Variants in ATAD1 observed in about 807,000 individuals in gnomAD.
ATAD1 encodes the protein outer mitochondrial transmembrane helix translocase.
Under a neutral mutation model 42.7 loss-of-function variants are expected in ATAD1, and 18 were observed. The ratio of observed to expected loss-of-function variants is 0.42; its 90% CI spans 0.29 to 0.63. ATAD1 has a LOEUF of 0.63. Among genes scored for constraint, ATAD1 ranks in the 20% least tolerant of loss-of-function variants. The probability of loss-of-function intolerance (pLI) is 0.19; values close to 1 mark genes in which losing one functional copy is unlikely to be tolerated. For synonymous variants in ATAD1, 132 were observed against 143.1 expected (o/e 0.92, Z 0.55); for missense variants, 294 against 440.4 (o/e 0.67, Z 2.98).
intron 8 of ATAD1, among the ~76,000 whole-genome samples, chr10:87,760,270 T>C (rs987272606): frequency 7.2e-5 from 11 of 152,028 alleles, no homozygotes; most frequent in East Asian, 3.9e-4. Context: ...TGGGAAGTGA[T>C]TGGATTATGG....
At chr10:87,782,002 T>C (rs1031724398) in intron 5 of ATAD1, among the ~76,000 whole-genome samples, 4 of 152,068 alleles carry the variant, frequency 2.6e-5, no homozygotes, top group East Asian at 1.9e-4. Flanking sequence ...ATACAATGGC[T>C]GAGAAATCCT....
Position 87,763,722 on chromosome 10 carries a change from T to C in ATAD1, c.831+3951A>G, listed in dbSNP as rs111709896. ...AGAGTGAGACTCTATCTCTCCTCTC[T>C]TTTTTTTTTGTAAGTTACATGGAAC... On this transcript the variant is annotated intron_variant, in intron 8 of 9. Coordinates refer to ENST00000680024, the MANE Select transcript of ATAD1 (RefSeq NM_001321967.2). 1.6e-3 allele frequency among the ~76,000 whole-genome samples: 240 copies of C among 147,616 alleles called. 1 individual carries two copies. Among genetic ancestry groups the C allele is most frequent in the African/African-American group, 5.1e-3 (205 of 40,516 alleles).
At chr10:87,789,685 G>A (rs1232172547) in intron 4 of ATAD1, among the ~76,000 whole-genome samples, 1 of 152,010 alleles carries the variant, frequency 6.6e-6, no homozygotes, top group East Asian at 1.9e-4. Flanking sequence ...TCATGCCACT[G>A]CATTTCAACT....
At chr10:87,807,109 T>C (rs1305608343) in intron 2 of ATAD1, among the ~76,000 whole-genome samples, 1 of 152,232 alleles carries the variant, frequency 6.6e-6, no homozygotes, top group Non-Finnish European at 1.5e-5. Flanking sequence ...TAAACTTGTT[T>C]GTTTTTCTCT....
At chr10:87,819,125 G>A (rs1472408490), upstream of ATAD1, 1 of 152,088 alleles carries the variant, frequency 6.6e-6, no homozygotes, top group East Asian at 1.9e-4. Flanking sequence ...CATCTTTGAT[G>A]GCTAAAGAAT....
chr10:87,764,846 A>G (rs1290766273), intron 8 of ATAD1, among the ~76,000 whole-genome samples: 1 of 152,194 alleles, frequency 6.6e-6, no homozygotes, highest in Admixed American at 6.5e-5. Context: ...GGGGGAAGCA[A>G]GATAAGGGAA....
chr10:87,818,195 C>T lies in ATAD1; in HGVS notation c.-42G>A, dbSNP rs1857522542. ...GGGGCAGAAACAGCAAGAGCAAGTG[C>T]CCTCAGCCGGCCTCACACAGGAAGG... On this transcript the variant is annotated 5_prime_UTR_variant, in exon 1 of 10. Transcript: ENST00000680024. 2.0e-6 allele frequency: 2 copies of T among 985,684 alleles called. No homozygotes were observed. The highest frequency in any genetic ancestry group is 3.5e-5 in the African/African-American group (2 of 57,360). 61.1% of individuals were successfully genotyped at this position (985,684 alleles called of 1,614,324 possible).
intron 7 of ATAD1, among the ~76,000 whole-genome samples, chr10:87,770,662 G>C (rs1380037629): frequency 6.6e-6 from 1 of 152,120 alleles, no homozygotes; most frequent in African/African-American, 2.4e-5. Context: ...ATTTTCTTAT[G>C]TATCTTCCTG....
chr10:87,814,786 T>C (rs1020864435), intron 1 of ATAD1, 174 bp from the exon 2 acceptor site: 1 of 426,324 alleles, frequency 2.3e-6, no homozygotes, highest in African/African-American at 2.0e-5. Context: ...AAATGTTAAG[T>C]AAACAAATAC....
At chr10:87,778,823 C>A (rs374690037) in intron 5 of ATAD1, among the ~76,000 whole-genome samples, 2 of 151,664 alleles carry the variant, frequency 1.3e-5, no homozygotes, top group Non-Finnish European at 2.9e-5. Flanking sequence ...GGACATTCAT[C>A]GGCAAAAAAA....
In ATAD1 at chr10:87,791,277, C is replaced by T. The variant is rs145947830; in HGVS notation, c.262-847G>A. ...TCTTTATAAATAAAAACAGGGCATA[C>T]GTATTTTCAAAATAGACAAGAAAAA... On this transcript the variant is annotated intron_variant, in intron 3 of 9. Coordinates refer to ENST00000680024, the MANE Select transcript of ATAD1 (RefSeq NM_001321967.2). Among the ~76,000 whole-genome samples the T allele has an allele frequency of 5.3e-3, 807 of 151,090 alleles. 6 individuals carry two copies. Among genetic ancestry groups the T allele is most frequent in the Non-Finnish European group, 5.7e-3 (388 of 67,772 alleles).
Position 87,757,481 on chromosome 10 carries a change from A to T in ATAD1, c.832-559T>A, listed in dbSNP as rs141180291. Reference sequence around the variant, plus strand: ...TACAGATTAAGAAGAGAAAATAAGCAAGAAAAAAATCTATAACTACCATCT... The same window carrying T: ...TACAGATTAAGAAGAGAAAATAAGCTAGAAAAAAATCTATAACTACCATCT... On this transcript the variant is annotated intron_variant, in intron 8 of 9. Transcript: ENST00000680024. Among the ~76,000 whole-genome samples, 1,458 of 152,314 alleles carry T rather than the reference A, an allele frequency of 9.6e-3. 18 individuals carry two copies. Among genetic ancestry groups the T allele is most frequent in the Middle Eastern group, 0.078 (23 of 294 alleles).
At chr10:87,816,124 G>A (rs1857404871) in intron 1 of ATAD1, among the ~76,000 whole-genome samples, 1 of 151,942 alleles carries the variant, frequency 6.6e-6, no homozygotes, top group Admixed American at 6.6e-5. Context: ...ATATCTACTC[G>A]ACTAGAGTTT....
At position 87,777,749 on chromosome 10, in the gene ATAD1, T is replaced by C. The variant is rs770109182; in HGVS notation, c.584-1322A>G. 3.3e-5 allele frequency among the ~76,000 whole-genome samples: 5 copies of C among 152,292 alleles called. No individual in the cohort carries two copies. In the East Asian group the frequency reaches 5.8e-4, roughly 18 times the overall value. The stretch of plus-strand genomic sequence containing the variant: ...CAACACAAACTTTGTCGATCATACA[T>C]GCAAGTGGCACAAAAATATCTTGTA... On this transcript the variant is annotated intron_variant, in intron 5 of 9. Transcript: ENST00000680024.
At chr10:87,829,155 C>A (rs1410847205) in intron 1 of ATAD1, among the ~76,000 whole-genome samples, 1 of 152,012 alleles carries the variant, frequency 6.6e-6, no homozygotes, top group Non-Finnish European at 1.5e-5. Flanking sequence ...GCTATAGCTA[C>A]CATAGATAGT....
At chr10:87,817,692 G>A in intron 1 of ATAD1, 15 of 978,758 alleles carry the variant, frequency 1.5e-5, no homozygotes, top group Non-Finnish European at 1.8e-5. Flanking sequence ...AAAGAGGGCA[G>A]GTTATTATTA....
intron 5 of ATAD1, among the ~76,000 whole-genome samples, chr10:87,777,358 C>T (rs1440675434): frequency 1.3e-5 from 2 of 151,954 alleles, no homozygotes; most frequent in Non-Finnish European, 2.9e-5. Flanking sequence ...AACATATATG[C>T]TGGAATGTAC....
intron 6 of ATAD1, among the ~76,000 whole-genome samples, chr10:87,772,529 T>C (rs1390843930): frequency 1.3e-5 from 2 of 152,044 alleles, no homozygotes; most frequent in Non-Finnish European, 2.9e-5. Flanking sequence ...AGATAATGAA[T>C]GAGTATAAGG....
At chr10:87,796,831 C>G (rs1856414538) in intron 2 of ATAD1, among the ~76,000 whole-genome samples, 1 of 152,088 alleles carries the variant, frequency 6.6e-6, no homozygotes, top group Admixed American at 6.5e-5. Flanking sequence ...CTGTGAGTAT[C>G]CCCTCCAGAT....
Sources: allele counts gnomAD v4.1 joint callset (sites outside exome capture counted in the v4.1 genomes callset), GRCh38; gene constraint gnomAD v4.1.1; transcripts MANE v1.5; gene names NCBI Gene and HGNC (gene_info 2026-07-23, HGNC 2026-07-21).